Variants in LRP1B observed in about 807,000 individuals in gnomAD.
The protein encoded by LRP1B is LDL receptor related protein 1B, also known as low-density lipoprotein receptor-related protein 1B.
In LRP1B, 217 loss-of-function variants were observed where a neutral mutation model predicts 556.6. The observed-to-expected ratio is 0.39, with a 90% CI of 0.35 to 0.44. The LOEUF (loss-of-function observed/expected upper bound fraction) is 0.44. LRP1B is among the 20% of genes least tolerant of loss of function. The probability of loss-of-function intolerance (pLI) is 1.00; values close to 1 mark genes in which losing one functional copy is unlikely to be tolerated. For missense variants in LRP1B, 5,053 were observed against 5,620.8 expected, an observed-to-expected ratio of 0.90 and a Z score of 3.23; for synonymous variants, 2,047 against 1,865.8, an observed-to-expected ratio of 1.10 and a Z score of -2.50.
At chr2:141,770,586 G>A (rs888363671) in intron 2 of LRP1B, among the ~76,000 whole-genome samples, 9 of 152,168 alleles carry the variant, frequency 5.9e-5, no homozygotes, top group Admixed American at 5.2e-4. Context: ...AATGCATTTT[G>A]TCTTTCTCTG....
At chr2:141,711,949 A>G (rs12478305) in intron 2 of LRP1B, among the ~76,000 whole-genome samples, 1 of 136,038 alleles carries the variant, frequency 7.4e-6, no homozygotes, top group Non-Finnish European at 1.6e-5. Context: ...ATGAACACAC[A>G]CAGACACACA....
rs751755566 is a variant in LRP1B, at chr2:140,813,678, C to G, written c.5338G>C (p.Ala1780Pro). ...TTACCCATGATGGTTAGGGCTGTAG[C>G]TTTTGTTAATTCTTCTTTCATTGAC... ...IESMKEELTK[A>P]TALTIMDKKL... The change falls in exon 32 of 91, where the codon GCT becomes CCT. Residue 1780 changes from alanine to proline, a missense_variant. Ala to Pro is a conservative substitution (Grantham distance 27). Coordinates refer to ENST00000389484, the MANE Select transcript of LRP1B (RefSeq NM_018557.3). The G allele has an allele frequency of 8.7e-6, 14 of 1,613,414 alleles. No homozygotes were observed. The highest frequency in any genetic ancestry group is 1.1e-5 in the Non-Finnish European group (13 of 1,179,680).
chr2:141,320,973 G>A (rs1040834865), intron 3 of LRP1B, among the ~76,000 whole-genome samples: 7 of 151,818 alleles, frequency 4.6e-5, no homozygotes, highest in African/African-American at 1.7e-4. Context: ...ATTTCTAAAG[G>A]GTTATAAGAT....
At chr2:141,746,880 A>G (rs1693933257) in intron 2 of LRP1B, among the ~76,000 whole-genome samples, 1 of 152,220 alleles carries the variant, frequency 6.6e-6, no homozygotes, top group African/African-American at 2.4e-5. Flanking sequence ...GCTAAAATAC[A>G]TATAGATGCA....
chr2:140,632,200 T>A (rs539950801), intron 41 of LRP1B, among the ~76,000 whole-genome samples: 2 of 152,236 alleles, frequency 1.3e-5, no homozygotes, highest in East Asian at 3.9e-4. Context: ...CAGACCTATA[T>A]AAAGATAGTA....
At chr2:141,444,414 C>T (rs12470479) in intron 3 of LRP1B, among the ~76,000 whole-genome samples, 45,341 of 151,734 alleles carry the variant, frequency 0.3, 6,922 homozygotes, top group Admixed American at 0.33. Flanking sequence ...TATTTGAATA[C>T]GCTTTCTTTC....
At position 141,266,857 on chromosome 2, in the gene LRP1B, A is replaced by G. The variant is rs189828190; in HGVS notation, c.344-12216T>C. Among the ~76,000 whole-genome samples, 294 of 152,348 alleles carry G rather than the reference A, an allele frequency of 1.9e-3. 1 individual carries two copies. Among genetic ancestry groups the G allele is most frequent in the South Asian group, 0.013 (63 of 4,828 alleles). ...AATAAAATGACTGGTTTATTCATTG[A>G]CACAATTTGCTAAAAAATAAATGTA... On this transcript the variant is annotated intron_variant, in intron 3 of 90. Transcript: ENST00000389484.
At chr2:141,484,395 A>G (rs55957594) in intron 2 of LRP1B, among the ~76,000 whole-genome samples, 37,866 of 147,314 alleles carry the variant, frequency 0.26, 6,083 homozygotes, top group East Asian at 0.59. Context: ...GTCAGGTAGC[A>G]TGATGCCTCC....
At chr2:140,985,901 A>T (rs1696907618) in intron 17 of LRP1B, among the ~76,000 whole-genome samples, 1 of 151,890 alleles carries the variant, frequency 6.6e-6, no homozygotes, top group Admixed American at 6.6e-5. Flanking sequence ...AAATGTATGT[A>T]CTTACATTTG....
At chr2:140,933,704 A>G (rs1382131030) in intron 20 of LRP1B, among the ~76,000 whole-genome samples, 1 of 152,096 alleles carries the variant, frequency 6.6e-6, no homozygotes, top group Non-Finnish European at 1.5e-5. Flanking sequence ...ATACAGGTGA[A>G]CCCAATACCA....
In LRP1B at chr2:141,849,087, A is replaced by C. The variant is rs369894608; in HGVS notation, c.83-38686T>G. 4.2e-4 allele frequency among the ~76,000 whole-genome samples: 64 copies of C among 151,664 alleles called. No homozygotes were observed. The East Asian group carries it at 6.8e-3, about 16-fold the overall frequency. ...CTAATACAAAATCAACATGCTAAACACGTATTTGGGGGATTAATATAATGA... is the reference window on the plus strand; with the variant it reads ...CTAATACAAAATCAACATGCTAAACCCGTATTTGGGGGATTAATATAATGA... On this transcript the variant is annotated intron_variant, in intron 1 of 90. Transcript: ENST00000389484.
chr2:141,897,599 G>T (rs1442306773), intron 1 of LRP1B, among the ~76,000 whole-genome samples: 2 of 151,936 alleles, frequency 1.3e-5, no homozygotes, highest in African/African-American at 4.8e-5. Flanking sequence ...ACAAAGATAT[G>T]ATTTTTTTCC....
At chr2:142,014,020 T>C (rs1027383339) in intron 1 of LRP1B, among the ~76,000 whole-genome samples, 4 of 152,190 alleles carry the variant, frequency 2.6e-5, no homozygotes, top group Admixed American at 1.3e-4. Context: ...TTGCAATATA[T>C]AGTAATTAAG....
At chr2:140,849,200 C>CAAAAAAAAAAAAAAAAAA (rs70988447) in intron 29 of LRP1B, among the ~76,000 whole-genome samples, 11 of 100,518 alleles carry the variant, frequency 1.1e-4, no homozygotes, top group African/African-American at 1.7e-4. Flanking sequence ...ACTAAAAATA[C>CAAAAAAAAAAAAAAAAAA]AAAAAAAAAA....
chr2:141,550,274 G>T (rs1284942360), intron 2 of LRP1B, among the ~76,000 whole-genome samples: 1 of 152,050 alleles, frequency 6.6e-6, no homozygotes, highest in Non-Finnish European at 1.5e-5. Context: ...GCACAAAGAA[G>T]GTGAATTTTA....
chr2:141,518,493 T>C (rs13023092), intron 2 of LRP1B, among the ~76,000 whole-genome samples: 47,413 of 152,150 alleles, frequency 0.31, 8,359 homozygotes, highest in Non-Finnish European at 0.4. Flanking sequence ...TTTGGGTGTT[T>C]TCCCCAAGCA....
At position 140,902,926 on chromosome 2, in the gene LRP1B, T is replaced by A; in HGVS notation, c.3760A>T (p.Ser1254Cys). ...ACACAAAATAGTTACTTACCAACAC[T>A]TGTACAACTTTCACCGTCTACATCC... ...KLDVDGESCT[S>C]VDPFEAFIIF... Residue 1254 changes from serine (S) to cysteine (C), a missense_variant, in exon 23 of 91, where the codon AGT becomes TGT. Ser to Cys is a moderately radical substitution (Grantham distance 112). Coordinates refer to ENST00000389484, the MANE Select transcript of LRP1B (RefSeq NM_018557.3). 6.2e-7 allele frequency: 1 copy of A among 1,613,286 alleles called. No individual in the cohort carries two copies. Among genetic ancestry groups the A allele is most frequent in the Non-Finnish European group, 8.5e-7 (1 of 1,179,424 alleles).
intron 2 of LRP1B, among the ~76,000 whole-genome samples, chr2:141,734,995 C>T (rs530477972): frequency 6.6e-6 from 1 of 152,088 alleles, no homozygotes; most frequent in East Asian, 1.9e-4. Flanking sequence ...TGGTGCTTTC[C>T]CTCAACAGCC....
At chr2:141,689,415 GATAAGGAGAAAAACAATCTATA>G (rs1363599233) in intron 2 of LRP1B, among the ~76,000 whole-genome samples, 3 of 151,818 alleles carry the variant, frequency 2.0e-5, no homozygotes, top group African/African-American at 4.8e-5. Flanking sequence ...TGCATATGTA[GATAAGGAGAAAAACAATCTATA>G]ATAAGGAGAA....
Sources: allele counts gnomAD v4.1 joint callset (sites outside exome capture counted in the v4.1 genomes callset), GRCh38; gene constraint gnomAD v4.1.1; transcripts MANE v1.5; gene names NCBI Gene and HGNC (gene_info 2026-07-23, HGNC 2026-07-21).